Variants in SYT6 observed in about 807,000 individuals in gnomAD.
The protein encoded by SYT6 is synaptotagmin 6.
Under a neutral mutation model 38.4 loss-of-function variants are expected in SYT6, and 24 were observed. That is an observed-to-expected ratio of 0.62 (90% CI 0.45 to 0.88). SYT6 has a LOEUF of 0.88. Ranked by LOEUF, SYT6 falls within the 40% of genes least tolerant of loss-of-function variation. The pLI, the probability that SYT6 is intolerant of heterozygous loss-of-function variation, is 0.00. For synonymous variants in SYT6, 265 were observed against 241.9 expected (o/e 1.10, Z -0.89); for missense variants, 611 against 621.0 (o/e 0.98, Z 0.17).
At chr1:114,109,442 G>C (rs1259117286) in intron 3 of SYT6, among the ~76,000 whole-genome samples, 3 of 152,202 alleles carry the variant, frequency 2.0e-5, no homozygotes, top group Non-Finnish European at 4.4e-5. Context: ...TTAAGACTAT[G>C]AAAGCTTAAG....
Position 114,095,666 on chromosome 1 carries a change from CT to C in SYT6, c.1516-1864del, listed in dbSNP as rs11409616. 9.6e-3 allele frequency among the ~76,000 whole-genome samples: 1,406 copies of C among 146,170 alleles called. 20 individuals carry two copies. Among genetic ancestry groups the C allele is most frequent in the African/African-American group, 0.033 (1,299 of 39,966 alleles). On this transcript the variant is annotated intron_variant, in intron 6 of 7. Transcript: ENST00000610222. ...AGAGTGGGGCAGTGAGTTTTCTTTTCTTTTTTTTTTTTGAGATGGAGTCTCG... is the reference window on the plus strand; with the variant it reads ...AGAGTGGGGCAGTGAGTTTTCTTTTCTTTTTTTTTTTGAGATGGAGTCTCG...
intron 1 of SYT6, among the ~76,000 whole-genome samples, chr1:114,143,532 A>G (rs138977879): frequency 1.4e-5 from 2 of 144,810 alleles, no homozygotes; most frequent in African/African-American, 2.6e-5. Context: ...GTATATATAC[A>G]TATAAGTTAT....
chr1:114,149,285 TTAATA>T lies in SYT6; in HGVS notation c.163+4320_163+4324del, dbSNP rs1557772728. Among the ~76,000 whole-genome samples, 3 of 11,382 alleles carry T rather than the reference TTAATA, an allele frequency of 2.6e-4. No homozygotes were observed. The African/African-American group carries it at 5.3e-3, about 20-fold the overall frequency. The allele number at this position is 11,382 out of a possible 152,430, so 7.5% of individuals were successfully genotyped here. A position where few individuals can be genotyped will look rare whatever the true frequency, so the allele number is the denominator to read the frequency against. On this transcript the variant is annotated intron_variant, in intron 1 of 7. Transcript: ENST00000610222. ...TGTACTGAGGCTCAGACGTGGCCCA[TTAATA>T]ATTAATAATAAGCTCTGCCAGGGCT... is the stretch of plus-strand genomic sequence containing the variant.
chr1:114,128,354 G>A (rs779206626), intron 3 of SYT6, among the ~76,000 whole-genome samples: 23 of 152,180 alleles, frequency 1.5e-4, no homozygotes, highest in Non-Finnish European at 1.5e-5. Context: ...GGTAGTCTTG[G>A]CCTGAATTGC....
At chr1:114,143,882 C>A (rs755804991) in intron 1 of SYT6, among the ~76,000 whole-genome samples, 8 of 143,638 alleles carry the variant, frequency 5.6e-5, no homozygotes, top group Non-Finnish European at 1.2e-4. Flanking sequence ...ATGAGGGATG[C>A]CCCTCTTTGT....
chr1:114,141,088 C>T (rs972085594), intron 1 of SYT6, among the ~76,000 whole-genome samples: 2 of 152,118 alleles, frequency 1.3e-5, no homozygotes, highest in Non-Finnish European at 2.9e-5. Context: ...CAATTGATAA[C>T]CTTACTTTGA....
In SYT6 at chr1:114,099,251, C is replaced by A. The variant is rs1361466798; in HGVS notation, c.1207G>T (p.Val403Leu). The change falls in exon 5 of 8, where the codon GTG becomes TTG. Residue 403 changes from valine (V) to leucine (L), a missense_variant. Physicochemically the swap from Val to Leu is conservative, Grantham distance 32. Coordinates refer to ENST00000610222, the MANE Select transcript of SYT6 (RefSeq NM_001253772.2). ...ITGYSDPYVK[V>L]SLLCDGRRLK... ...CTCCGCCCATCACAGAGCAAGGACA[C>A]TTTCACATAGGGATCTGTGCCAATG... 3.1e-6 allele frequency: 5 copies of A among 1,612,594 alleles called. No homozygotes were observed. The highest frequency in any genetic ancestry group is 3.4e-6 in the Non-Finnish European group (4 of 1,179,202).
chr1:114,123,632 G>A (rs1677550593), intron 3 of SYT6, among the ~76,000 whole-genome samples: 1 of 152,138 alleles, frequency 6.6e-6, no homozygotes, highest in Admixed American at 6.5e-5. Flanking sequence ...TTTTCTTTCT[G>A]GTTCTAGGTG....
chr1:114,149,222 T>TGTGTGTGTGTGTGTGTGTGTGTGCGCGC lies in SYT6; in HGVS notation c.163+4387_163+4388insGCGCGCACACACACACACACACACACAC, dbSNP rs769842650. Among the ~76,000 whole-genome samples, 312 of 118,216 alleles carry TGTGTGTGTGTGTGTGTGTGTGTGCGCGC rather than the reference T, an allele frequency of 2.6e-3. 1 individual carries two copies. The highest frequency in any genetic ancestry group is 4.7e-3 in the African/African-American group (178 of 37,950). The allele number at this position is 118,216 out of a possible 152,430, so 77.6% of individuals were successfully genotyped here. ...GAGAGAGAGAGAGAGAGAGATTGTG[T>TGTGTGTGTGTGTGTGTGTGTGTGCGCGC]GTGTGTGTGTGTGTGTGTTGGGAGA... On this transcript the variant is annotated intron_variant, in intron 1 of 7. Transcript: ENST00000610222.
intron 1 of SYT6, among the ~76,000 whole-genome samples, chr1:114,145,608 A>C (rs1032038647): frequency 2.7e-5 from 4 of 150,248 alleles, no homozygotes; most frequent in South Asian, 2.1e-4. Context: ...CAGGGAAGTC[A>C]CCACAGCTAT....
At chr1:114,129,596 CTTTCTTTCTTTCTTTCTTTCCTTT>C (rs1437791952) in intron 3 of SYT6, among the ~76,000 whole-genome samples, 363 of 90,950 alleles carry the variant, frequency 4.0e-3, no homozygotes, top group South Asian at 0.012. Flanking sequence ...TTCTTTCTTT[CTTTCTTTCTTTCTTTCTTTCCTTT>C]CTTTCTTTCT....
At chr1:114,120,260 C>G (rs1170930279) in intron 3 of SYT6, among the ~76,000 whole-genome samples, 1 of 152,086 alleles carries the variant, frequency 6.6e-6, no homozygotes, top group South Asian at 2.1e-4. Flanking sequence ...GTGATGCCCT[C>G]GGTAGAAAAT....
intron 3 of SYT6, among the ~76,000 whole-genome samples, chr1:114,105,624 G>A (rs947954884): frequency 2.0e-5 from 3 of 152,084 alleles, no homozygotes; most frequent in East Asian, 1.9e-4. Flanking sequence ...CCTGTGAAGC[G>A]CCTCCATGAA....
At chr1:114,131,719 G>T (rs905318370) in intron 3 of SYT6, among the ~76,000 whole-genome samples, 2 of 152,132 alleles carry the variant, frequency 1.3e-5, no homozygotes, top group African/African-American at 4.8e-5. Flanking sequence ...TGCACTGACC[G>T]GCACATAGTC....
chr1:114,132,909 C>T (rs759547538), intron 3 of SYT6, among the ~76,000 whole-genome samples: 42 of 152,166 alleles, frequency 2.8e-4, no homozygotes, highest in Non-Finnish European at 1.2e-4. Context: ...GATAATGTCC[C>T]AAGGTTTTAA....
At chr1:114,111,876 G>A (rs978947779) in intron 3 of SYT6, among the ~76,000 whole-genome samples, 1 of 152,174 alleles carries the variant, frequency 6.6e-6, no homozygotes, top group African/African-American at 2.4e-5. Context: ...TCCTTCCTAG[G>A]GTGCCGAGAG....
intron 1 of SYT6, among the ~76,000 whole-genome samples, chr1:114,145,752 T>C (rs1679125799): frequency 6.6e-6 from 1 of 152,224 alleles, no homozygotes; most frequent in African/African-American, 2.4e-5. Flanking sequence ...TGCTTTCCTT[T>C]GATCATACAT....
chr1:114,133,027 T>C (rs1489521051), intron 3 of SYT6, among the ~76,000 whole-genome samples: 2 of 152,246 alleles, frequency 1.3e-5, no homozygotes, highest in Non-Finnish European at 2.9e-5. Context: ...TATTCTACCA[T>C]TTAAGGCCTC....
chr1:114,153,471 G>C (rs1427782585), intron 1 of SYT6, 139 bp downstream of exon 1: 1 of 533,940 alleles, frequency 1.9e-6, no homozygotes, highest in Non-Finnish European at 3.3e-6. Flanking sequence ...CAGAGGGCTG[G>C]ACGAGGCTGG....
Sources: allele counts gnomAD v4.1 joint callset (sites outside exome capture counted in the v4.1 genomes callset), GRCh38; gene constraint gnomAD v4.1.1; transcripts MANE v1.5; gene names NCBI Gene and HGNC (gene_info 2026-07-23, HGNC 2026-07-21).